SART1: variants seen among roughly 807,000 people sequenced by gnomAD.
SART1 encodes spliceosome associated factor 1, recruiter of U4/U6.U5 tri-snRNP, also known as U4/U6.U5 tri-snRNP-associated protein 1.
In SART1, 28 loss-of-function variants were observed where a neutral mutation model predicts 105.0. The observed-to-expected ratio is 0.27, with a 90% CI of 0.20 to 0.37. SART1 has a LOEUF of 0.37. Ranked by LOEUF, SART1 falls within the 10% of genes least tolerant of loss-of-function variation. SART1 has a pLI of 1.00. For missense variants in SART1, 894 were observed against 1,106.5 expected, an observed-to-expected ratio of 0.81 and a Z score of 2.72; for synonymous variants, 472 against 462.9, an observed-to-expected ratio of 1.02 and a Z score of -0.25.
chr11:65,974,714 G>A (rs1057051017), intron 12 of SART1, among the ~76,000 whole-genome samples: 4 of 151,806 alleles, frequency 2.6e-5, no homozygotes, highest in East Asian at 1.9e-4. Context: ...GATATACCTC[G>A]TTTTATGTTT....
rs893186872 is a variant in SART1, at chr11:65,979,228, G to T, written c.*198G>T. The T allele has an allele frequency of 3.0e-6, 2 of 677,706 alleles. No homozygotes were observed. The allele number at this position is 677,706 out of a possible 1,614,324, so 42.0% of individuals were successfully genotyped here. A position where few individuals can be genotyped will look rare whatever the true frequency, so the allele number is the denominator to read the frequency against. ...AACGATGGAAGAGAGAGCGAGCCCGGGTCCTCTAAGGCTCCTTCCTTCTCC... is the reference window on the plus strand; with the variant it reads ...AACGATGGAAGAGAGAGCGAGCCCGTGTCCTCTAAGGCTCCTTCCTTCTCC... On this transcript the variant is annotated 3_prime_UTR_variant, in exon 20 of 20. Coordinates refer to ENST00000312397, the MANE Select transcript of SART1 (RefSeq NM_005146.5).
At chr11:65,962,872 G>A (rs928836284) in intron 1 of SART1, among the ~76,000 whole-genome samples, 3 of 152,198 alleles carry the variant, frequency 2.0e-5, no homozygotes, top group African/African-American at 4.8e-5. Context: ...TTGTATGAGG[G>A]TGGGAAGAAG....
chr11:65,977,213 A>G, intron 15 of SART1, 112 bp downstream of exon 15: 1 of 770,880 alleles, frequency 1.3e-6, no homozygotes, highest in South Asian at 1.6e-5. Context: ...CCAATGCTGG[A>G]GCCAGCTGTC....
At position 65,979,388 on chromosome 11, in the gene SART1, G is replaced by C. The variant is rs1855547483; in HGVS notation, c.*358G>C. The C allele has an allele frequency of 2.7e-6, 1 of 363,732 alleles. No individual in the cohort carries two copies. Among genetic ancestry groups the C allele is most frequent in the Non-Finnish European group, 5.1e-6 (1 of 195,274 alleles). 22.5% of individuals were successfully genotyped at this position (363,732 alleles called of 1,614,324 possible). On this transcript the variant is annotated 3_prime_UTR_variant, in exon 20 of 20. Transcript: ENST00000312397. ...ACTGTCCTGTAATGTCTCCCGGTCA[G>C]GGCAGCCCAGGACTGCCCAGCCTGG... is the stretch of plus-strand genomic sequence containing the variant.
At chr11:65,977,215 C>A in intron 15 of SART1, 114 bp downstream of exon 15, 2 of 758,256 alleles carry the variant, frequency 2.6e-6, no homozygotes, top group Non-Finnish European at 4.4e-6. Context: ...AATGCTGGAG[C>A]CAGCTGTCCG....
At position 65,978,696 on chromosome 11, in the gene SART1, G is replaced by A. The variant is rs1414413761; in HGVS notation, c.2262+7G>A. On this transcript the variant is annotated splice_region_variant and intron_variant, in intron 18 of 19. Transcript: ENST00000312397. This position sits in a 1 kb window ranked among gnomAD's most constrained non-coding sequence, Gnocchi z 6.8. ...GAAGCTGGACGAGGAGGCGGTGGGT[G>A]CCCTTGGGGATGTGGGGGGCCCTGT... is the stretch of plus-strand genomic sequence containing the variant. The A allele has an allele frequency of 1.9e-6, 3 of 1,612,624 alleles. 1 individual carries two copies. The highest frequency in any genetic ancestry group is 2.2e-5 in the South Asian group (2 of 91,008).
intron 12 of SART1, among the ~76,000 whole-genome samples, chr11:65,968,418 G>A (rs1855306838): frequency 6.6e-6 from 1 of 152,156 alleles, no homozygotes; most frequent in Non-Finnish European, 1.5e-5. Context: ...ATGGGGCCCT[G>A]GGCTCATGGA....
intron 5 of SART1, 94 bp downstream of exon 5, chr11:65,965,541 C>A: frequency 7.2e-7 from 1 of 1,387,692 alleles, no homozygotes; most frequent in Non-Finnish European, 9.9e-7. Context: ...TGAGACGGGG[C>A]TTGGAGAAGG....
rs1855526647 is a variant in SART1 at position 65,978,399 on chromosome 11, T to C, written c.2173-201T>C. 2 of 595,684 alleles carry C rather than the reference T, an allele frequency of 3.4e-6. No individual in the cohort carries two copies. The highest frequency in any genetic ancestry group is 6.0e-6 in the Non-Finnish European group (2 of 334,452). The allele number at this position is 595,684 out of a possible 1,614,324, so 36.9% of individuals were successfully genotyped here. A position where few individuals can be genotyped will look rare whatever the true frequency, so the allele number is the denominator to read the frequency against. On this transcript the variant is annotated intron_variant, in intron 17 of 19. Coordinates refer to ENST00000312397, the MANE Select transcript of SART1 (RefSeq NM_005146.5). The surrounding 1 kb of genome is among the most constrained non-coding windows in gnomAD (Gnocchi z 6.8). ...TCTGCCCCCATGGCAGCGCATCCAC[T>C]AGCCAAGCTGGTCTCCCGGCCTCTG... is the stretch of plus-strand genomic sequence containing the variant.
In SART1 at chr11:65,978,147, A is replaced by T; in HGVS notation, c.2172+248A>T. ...CAGGAGGGTCAGACAGGCACTCGGG[A>T]CCTCTGCCCTCCTGTCCTCACCTGC... is the stretch of plus-strand genomic sequence containing the variant. On this transcript the variant is annotated intron_variant, in intron 17 of 19. Transcript: ENST00000312397. This position sits in a 1 kb window ranked among gnomAD's most constrained non-coding sequence, Gnocchi z 6.8. 2 of 561,118 alleles carry T rather than the reference A, an allele frequency of 3.6e-6. No individual in the cohort carries two copies. Among genetic ancestry groups the T allele is most frequent in the Non-Finnish European group, 6.4e-6 (2 of 313,392 alleles). 34.8% of individuals were successfully genotyped at this position (561,118 alleles called of 1,614,324 possible). A position where few individuals can be genotyped will look rare whatever the true frequency, so the allele number is the denominator to read the frequency against.
intron 12 of SART1, among the ~76,000 whole-genome samples, chr11:65,969,815 C>T (rs1440200495): frequency 1.3e-5 from 2 of 152,132 alleles, no homozygotes; most frequent in South Asian, 2.1e-4. Context: ...CTCCATGTCC[C>T]GGGCTCAAGC....
chr11:65,964,939 G>A, intron 3 of SART1, 153 bp from the exon 4 acceptor site: 1 of 998,654 alleles, frequency 1.0e-6, no homozygotes, highest in Non-Finnish European at 1.4e-6. Flanking sequence ...CCAGGAGTGT[G>A]GGGACGAAGT....
At chr11:65,977,149 G>T (rs1299847156) in intron 15 of SART1, 48 bp downstream of exon 15, 34 of 1,357,488 alleles carry the variant, frequency 2.5e-5, no homozygotes, top group Non-Finnish European at 3.5e-5. Context: ...GGGTGCTGCT[G>T]CAGGTGCAGG....
At chr11:65,975,727 C>T (rs527822267) in intron 12 of SART1, among the ~76,000 whole-genome samples, 6 of 152,050 alleles carry the variant, frequency 3.9e-5, no homozygotes, top group South Asian at 2.1e-4. Context: ...CATAGTGACT[C>T]GAACCTTCAC....
At chr11:65,974,863 A>T (rs1855451374) in intron 12 of SART1, among the ~76,000 whole-genome samples, 1 of 151,572 alleles carries the variant, frequency 6.6e-6, no homozygotes, top group Non-Finnish European at 1.5e-5. Flanking sequence ...GTGAAACCCC[A>T]TCTCTACTGA....
rs766709991 is a variant in SART1 at position 65,964,548 on chromosome 11, G to A, written c.405G>A (p.Leu135=). The change falls in exon 3 of 20, where the codon TTG becomes TTA. Residue 135 remains leucine, a synonymous_variant. Transcript: ENST00000312397. ...KLRAKLGLKP[L]EVNAIKKEAG... ...GGGCAAAGTTGGGGCTGAAACCCTTGGAGGTTAATGCCATCAAGAAGGGTG... is the reference window on the plus strand; with the variant it reads ...GGGCAAAGTTGGGGCTGAAACCCTTAGAGGTTAATGCCATCAAGAAGGGTG... The A allele has an allele frequency of 3.7e-6, 6 of 1,612,292 alleles. No individual in the cohort carries two copies. The Admixed American group carries it at 8.4e-5, about 23-fold the overall frequency.
rs1387691074 is a variant in SART1 at position 65,978,951 on chromosome 11, G to A, written c.2384+37G>A. On this transcript the variant is annotated intron_variant, in intron 19 of 19. Coordinates refer to ENST00000312397, the MANE Select transcript of SART1 (RefSeq NM_005146.5). This position sits in a 1 kb window ranked among gnomAD's most constrained non-coding sequence, Gnocchi z 6.8. ...GAGGCTGGTGGGGTAGGGTGTGGTG[G>A]GGAGGGGTGGCGTGGCCTGTGCCCG... 2 of 1,613,686 alleles carry A rather than the reference G, an allele frequency of 1.2e-6. No homozygotes were observed. Among genetic ancestry groups the A allele is most frequent in the East Asian group, 2.2e-5 (1 of 44,878 alleles).
rs961829765 is a variant in SART1, at chr11:65,978,362, G to A, written c.2173-238G>A. 1 of 564,700 alleles carries A rather than the reference G, an allele frequency of 1.8e-6. No individual in the cohort carries two copies. Among genetic ancestry groups the A allele is most frequent in the African/African-American group, 1.9e-5 (1 of 53,114 alleles). The allele number at this position is 564,700 out of a possible 1,614,324, so 35.0% of individuals were successfully genotyped here. On this transcript the variant is annotated intron_variant, in intron 17 of 19. Coordinates refer to ENST00000312397, the MANE Select transcript of SART1 (RefSeq NM_005146.5). This position sits in a 1 kb window ranked among gnomAD's most constrained non-coding sequence, Gnocchi z 6.8. ...CCAGCCCCTGCGTGGCAGGTCTCCA[G>A]GTTCCCCATGCTCTGCCCCCATGGC...
chr11:65,964,685 A>G (rs1284672392), intron 3 of SART1, 115 bp downstream of exon 3: 7 of 1,057,650 alleles, frequency 6.6e-6, no homozygotes, highest in African/African-American at 1.6e-5. Flanking sequence ...ACACATGCAT[A>G]TTTGCCGGAA....
Sources: allele counts gnomAD v4.1 joint callset (sites outside exome capture counted in the v4.1 genomes callset), GRCh38; gene constraint gnomAD v4.1.1; non-coding constraint Gnocchi (gnomAD v3.1); transcripts MANE v1.5; gene names NCBI Gene and HGNC (gene_info 2026-07-23, HGNC 2026-07-21).